Variants in DDX49 observed in about 807,000 individuals in gnomAD.
DDX49 encodes the protein probable ATP-dependent RNA helicase DDX49.
A neutral mutation model predicts 56.3 loss-of-function variants in DDX49; 50 were observed. The observed-to-expected ratio is 0.89, with a 90% CI of 0.71 to 1.12. The LOEUF (loss-of-function observed/expected upper bound fraction) is 1.12. Ranked by LOEUF, DDX49 falls within the 50% of genes most tolerant of loss-of-function variation. The pLI is 0.00. For synonymous variants in DDX49, 269 were observed against 270.6 expected (o/e 0.99, Z 0.06); for missense variants, 614 against 650.5 (o/e 0.94, Z 0.61).
intron 1 of DDX49, 121 bp downstream of exon 1, chr19:18,919,977 A>T: frequency 1.4e-6 from 1 of 696,930 alleles, no homozygotes; most frequent in African/African-American, 1.8e-5. Context: ...GCGTTACAGG[A>T]GATCCGGGGT....
At chr19:18,921,166 A>G (rs980275980) in intron 2 of DDX49, among the ~76,000 whole-genome samples, 1 of 151,896 alleles carries the variant, frequency 6.6e-6, no homozygotes, top group African/African-American at 2.4e-5. Flanking sequence ...GAAAGAAAGA[A>G]AGAGGCAGGC....
In DDX49 at chr19:18,925,366, C is replaced by T. The variant is rs1325563407; in HGVS notation, c.1027+387C>T. On this transcript the variant is annotated intron_variant, in intron 9 of 12. Coordinates refer to ENST00000247003, the MANE Select transcript of DDX49 (RefSeq NM_019070.5). ...GTCAGGAGTTCGAGACCAGCCTGGC[C>T]AACATAGTGAAACACTGTCTTACTA... Among the ~76,000 whole-genome samples, 3 of 151,876 alleles carry T rather than the reference C, an allele frequency of 2.0e-5. No individual in the cohort carries two copies. The South Asian group carries it at 6.2e-4, about 32-fold the overall frequency.
chr19:18,928,518 G>C lies in DDX49; in HGVS notation c.*202G>C, dbSNP rs927972519. On this transcript the variant is annotated 3_prime_UTR_variant, in exon 13 of 13. Transcript: ENST00000247003. ...TTCCCTGAGCCCTGGCCAAGATTCAGGCTGCAGGGGAAGAAAGAACATGAC... is the reference window on the plus strand; with the variant it reads ...TTCCCTGAGCCCTGGCCAAGATTCACGCTGCAGGGGAAGAAAGAACATGAC... The C allele has an allele frequency of 1.7e-6, 1 of 575,074 alleles. No individual in the cohort carries two copies. Among genetic ancestry groups the C allele is most frequent in the African/African-American group, 1.9e-5 (1 of 52,700 alleles). The allele number at this position is 575,074 out of a possible 1,614,324, so 35.6% of individuals were successfully genotyped here. A position where few individuals can be genotyped will look rare whatever the true frequency, so the allele number is the denominator to read the frequency against.
chr19:18,928,134 G>A lies in DDX49; in HGVS notation c.1270G>A (p.Asp424Asn). 1 of 1,608,020 alleles carries A rather than the reference G, an allele frequency of 6.2e-7. No homozygotes were observed. The highest frequency in any genetic ancestry group is 8.5e-7 in the Non-Finnish European group (1 of 1,177,288). Residue 424 changes from aspartate (D) to asparagine (N), a missense_variant, in exon 13 of 13, where the codon GAC becomes AAC. Coordinates refer to ENST00000247003, the MANE Select transcript of DDX49 (RefSeq NM_019070.5). The part of the protein sequence containing the change: ...KQLILEGKDP[D>N]LEAKRKAELA... ...CTGGTCCTCCCTGTGCCAGGACCCTGACCTGGAGGCCAAGCGCAAGGCTGA... is the reference window on the plus strand; with the variant it reads ...CTGGTCCTCCCTGTGCCAGGACCCTAACCTGGAGGCCAAGCGCAAGGCTGA...
intron 4 of DDX49, 39 bp from the exon 5 acceptor site, chr19:18,922,287 T>A: frequency 6.3e-7 from 1 of 1,593,458 alleles, no homozygotes; most frequent in South Asian, 1.1e-5. Context: ...CCCGGGGCCA[T>A]GGACGGCACC....
rs2056985550 is a variant in DDX49, at chr19:18,928,588, G to A, written c.*272G>A. The A allele has an allele frequency of 9.0e-6, 4 of 443,556 alleles. No homozygotes were observed. Among genetic ancestry groups the A allele is most frequent in the African/African-American group, 2.0e-5 (1 of 49,480 alleles). 27.5% of individuals were successfully genotyped at this position (443,556 alleles called of 1,614,324 possible). ...CCCAAGGTCACCCCCCAGGGGTGCC[G>A]CATACAGGAGGTGCTTAATAAACGG... On this transcript the variant is annotated 3_prime_UTR_variant, in exon 13 of 13. Transcript: ENST00000247003.
intron 6 of DDX49, among the ~76,000 whole-genome samples, chr19:18,923,994 G>A (rs1356589126): frequency 6.6e-6 from 1 of 152,010 alleles, no homozygotes; most frequent in Non-Finnish European, 1.5e-5. Context: ...TTTTAGTACA[G>A]ATGGGGTTTT....
Position 18,922,628 on chromosome 19 carries a change from C to T in DDX49, c.660C>T (p.Asp220=). The T allele has an allele frequency of 6.2e-7, 1 of 1,613,626 alleles. No homozygotes were observed. The highest frequency in any genetic ancestry group is 8.5e-7 in the Non-Finnish European group (1 of 1,179,848). The change falls in exon 6 of 13, where the codon GAC becomes GAT. Residue 220 remains aspartate, a synonymous_variant. Transcript: ENST00000247003. ...GGGTGAGCACCGTGGAGCAGCTGGACCAGCGCTACCTGCTGGTGCCTGAGA... is the reference window on the plus strand; with the variant it reads ...GGGTGAGCACCGTGGAGCAGCTGGATCAGCGCTACCTGCTGGTGCCTGAGA... ...QAPVSTVEQL[D]QRYLLVPEKV...
chr19:18,925,064 G>C (rs1163563802), intron 9 of DDX49, 85 bp downstream of exon 9: 1 of 1,481,508 alleles, frequency 6.7e-7, no homozygotes, highest in East Asian at 2.4e-5. Context: ...CGTGGGTAGG[G>C]TGCAGCCCAC....
At chr19:18,920,771 C>G in intron 2 of DDX49, 68 bp downstream of exon 2, 2 of 1,492,624 alleles carry the variant, frequency 1.3e-6, no homozygotes, top group Non-Finnish European at 1.8e-6. Context: ...GCACCTTTCC[C>G]TCTCTGAGCG....
rs1206940502 is a variant in DDX49, at chr19:18,922,747, G to C, written c.776+3G>C. 1 of 1,600,432 alleles carries C rather than the reference G, an allele frequency of 6.2e-7. No individual in the cohort carries two copies. The highest frequency in any genetic ancestry group is 8.5e-7 in the Non-Finnish European group (1 of 1,172,708). On this transcript the variant is annotated splice_donor_region_variant and intron_variant, in intron 6 of 12. Transcript: ENST00000247003. ...ATCATCTTCACCAACACGTGCAAGT[G>C]AGCGGGGCCCGCCTCTCCCCTCCCA...
In DDX49 at chr19:18,924,256, T is replaced by C; in HGVS notation, c.800T>C (p.Met267Thr). The change falls in exon 7 of 13, where the codon ATG becomes ACG. Residue 267 changes from methionine to threonine, a missense_variant. Physicochemically the swap from Met to Thr is moderately conservative, Grantham distance 81. Coordinates refer to ENST00000247003, the MANE Select transcript of DDX49 (RefSeq NM_019070.5). The part of the protein sequence containing the change: ...TCKTCQILCM[M>T]LRKFSFPTVA... ...AGGACCTGCCAGATTCTGTGCATGA[T>C]GCTGCGCAAATTCAGCTTCCCCACC... is the stretch of plus-strand genomic sequence containing the variant. 1 of 1,614,024 alleles carries C rather than the reference T, an allele frequency of 6.2e-7. No homozygotes were observed. Among genetic ancestry groups the C allele is most frequent in the South Asian group, 1.1e-5 (1 of 91,086 alleles).
chr19:18,923,423 G>A (rs2056935029), intron 6 of DDX49, among the ~76,000 whole-genome samples: 2 of 152,172 alleles, frequency 1.3e-5, no homozygotes, highest in South Asian at 4.1e-4. Flanking sequence ...TGGGGAAGGT[G>A]AGGCGGGAGA....
At chr19:18,927,383 A>T (rs1243210077) in intron 10 of DDX49, among the ~76,000 whole-genome samples, 1 of 152,170 alleles carries the variant, frequency 6.6e-6, no homozygotes, top group East Asian at 1.9e-4. Flanking sequence ...TTCAAAAAAA[A>T]AGAAAGAAAT....
chr19:18,922,288 G>A, intron 4 of DDX49, 38 bp from the exon 5 acceptor site: 1 of 1,594,202 alleles, frequency 6.3e-7, no homozygotes, highest in South Asian at 1.1e-5. Flanking sequence ...CCGGGGCCAT[G>A]GACGGCACCC....
At chr19:18,925,850 T>G (rs1350201701) in intron 9 of DDX49, among the ~76,000 whole-genome samples, 1 of 151,996 alleles carries the variant, frequency 6.6e-6, no homozygotes, top group African/African-American at 2.4e-5. Flanking sequence ...TCACTTCCAC[T>G]CCCTAGACCT....
At position 18,919,849 on chromosome 19, in the gene DDX49, C is replaced by G. The variant is rs1446922794; in HGVS notation, c.108C>G (p.Ile36Met). ...TPVQLGCIPA[I>M]LEGRDCLGCA... ...TGCAGCTCGGCTGCATCCCCGCCAT[C>G]CTGGAGGGTGAGTATGGCCCAGGGC... The change falls in exon 1 of 13, where the codon ATC becomes ATG. Residue 36 changes from isoleucine to methionine, a missense_variant. By Grantham distance (10) the Ile-to-Met change is conservative (BLOSUM62 1). Transcript: ENST00000247003. The G allele has an allele frequency of 6.3e-7, 1 of 1,599,586 alleles. No homozygotes were observed. The highest frequency in any genetic ancestry group is 8.6e-7 in the Non-Finnish European group (1 of 1,168,396).
At position 18,927,780 on chromosome 19, in the gene DDX49, G is replaced by T. The variant is rs1003037538; in HGVS notation, c.1117G>T (p.Glu373Ter). Residue 373 changes from glutamate to a stop codon, truncating the protein, a stop_gained, in exon 11 of 13, where the codon GAG (glutamate) becomes TAG (stop). Coordinates refer to ENST00000247003, the MANE Select transcript of DDX49 (RefSeq NM_019070.5). LOFTEE classifies it high-confidence loss of function. The part of the protein sequence containing the change: ...IEEQIKKKLE[E>*]FSVEEAEVLQ... ...TGTCCCCACAGAGAAGAAGCTGGAGGAGTTCTCCGTGGAAGAGGCCGAGGT... is the reference window on the plus strand; with the variant it reads ...TGTCCCCACAGAGAAGAAGCTGGAGTAGTTCTCCGTGGAAGAGGCCGAGGT... 2 of 1,613,958 alleles carry T rather than the reference G, an allele frequency of 1.2e-6. No individual in the cohort carries two copies. Among genetic ancestry groups the T allele is most frequent in the Non-Finnish European group, 1.7e-6 (2 of 1,179,962 alleles).
chr19:18,924,299 G>A lies in DDX49; in HGVS notation c.843G>A (p.Met281Ile). The A allele has an allele frequency of 6.2e-7, 1 of 1,613,756 alleles. No individual in the cohort carries two copies. ...TCCCCACCGTGGCTCTGCACTCCAT[G>A]ATGAAGCAGGTGAGGCCACCCTGGG... is the stretch of plus-strand genomic sequence containing the variant. ...FSFPTVALHS[M>I]MKQKERFAAL... The change falls in exon 7 of 13, where the codon ATG (methionine) becomes ATA (isoleucine). Residue 281 changes from methionine (M) to isoleucine (I), a missense_variant. Met to Ile is a conservative substitution (Grantham distance 10). Coordinates refer to ENST00000247003, the MANE Select transcript of DDX49 (RefSeq NM_019070.5).
Sources: gnomAD v4.1 joint callset for allele counts (sites outside exome capture counted in the v4.1 genomes callset) on GRCh38, gnomAD v4.1.1 for gene constraint, MANE v1.5 for transcripts, NCBI Gene and HGNC (gene_info 2026-07-23, HGNC 2026-07-21) for gene names.